The following GRXCR1 variants were observed in gnomAD, a reference collection of about 807,000 sequenced individuals.
GRXCR1 encodes the protein glutaredoxin and cysteine rich domain containing 1, also known as glutaredoxin domain-containing cysteine-rich protein 1.
Under a neutral mutation model 27.3 loss-of-function variants are expected in GRXCR1, and 27 were observed. The observed-to-expected ratio is 0.99, with a 90% confidence interval of 0.73 to 1.37. The LOEUF (loss-of-function observed/expected upper bound fraction) is 1.37. Ranked by LOEUF, GRXCR1 falls within the 40% of genes most tolerant of loss-of-function variation. The pLI, the probability that GRXCR1 is intolerant of heterozygous loss-of-function variation, is 0.00. For missense variants in GRXCR1, 379 were observed against 354.4 expected (o/e 1.07, Z -0.56); for synonymous variants, 122 against 131.1 (o/e 0.93, Z 0.47).
At chr4:43,007,746 G>C (rs1342924997) in intron 2 of GRXCR1, among the ~76,000 whole-genome samples, 2 of 152,174 alleles carry the variant, frequency 1.3e-5, no homozygotes, top group Non-Finnish European at 2.9e-5. Flanking sequence ...GAGAATATTT[G>C]GTAGTGCCAT....
At position 42,986,304 on chromosome 4, in the gene GRXCR1, G is replaced by GA. The variant is rs1711721511; in HGVS notation, c.627+23170_627+23171insA. On this transcript the variant is annotated intron_variant, in intron 2 of 3. Transcript: ENST00000399770. ...TCTCTCCAGCAGTAAGACTTAAAAT[G>GA]CTGAAGTGAGGGGCTCATTGTGAGC... 2.6e-5 allele frequency among the ~76,000 whole-genome samples: 4 copies of GA among 152,336 alleles called. No individual in the cohort carries two copies. The East Asian group carries it at 7.7e-4, about 29-fold the overall frequency.
intron 2 of GRXCR1, among the ~76,000 whole-genome samples, chr4:42,974,287 T>C (rs1012702454): frequency 1.3e-5 from 2 of 152,250 alleles, no homozygotes; most frequent in South Asian, 2.1e-4. Flanking sequence ...TGATGAGTCA[T>C]CTTCTTGTGG....
chr4:42,941,344 G>A (rs937581452), intron 1 of GRXCR1, among the ~76,000 whole-genome samples: 1 of 151,996 alleles, frequency 6.6e-6, no homozygotes, highest in African/African-American at 2.4e-5. Flanking sequence ...CTCTAGGTCA[G>A]GAATTGTAAG....
intron 2 of GRXCR1, among the ~76,000 whole-genome samples, chr4:42,971,923 G>T (rs955130246): frequency 2.5e-4 from 38 of 152,070 alleles, no homozygotes; most frequent in African/African-American, 8.9e-4. Context: ...ATTGATTCAG[G>T]GTTCTTGCTT....
At chr4:42,976,656 G>T (rs1313462983) in intron 2 of GRXCR1, among the ~76,000 whole-genome samples, 1 of 151,822 alleles carries the variant, frequency 6.6e-6, no homozygotes, top group Non-Finnish European at 1.5e-5. Flanking sequence ...TTGCATGTAT[G>T]TAATTTTTTA....
chr4:43,012,919 G>A (rs80109594), intron 2 of GRXCR1, among the ~76,000 whole-genome samples: 11,672 of 152,062 alleles, frequency 0.077, 783 homozygotes, highest in African/African-American at 0.19. Flanking sequence ...AAGAAGACAT[G>A]CAAGCAGACA....
chr4:42,987,239 ATAATATATAATATATATATATAAT>A lies in GRXCR1; in HGVS notation c.627+24106_627+24129del, dbSNP rs1170539923. Among the ~76,000 whole-genome samples, 7 of 64,156 alleles carry A rather than the reference ATAATATATAATATATATATATAAT, an allele frequency of 1.1e-4. No homozygotes were observed. The East Asian group carries it at 2.9e-3, about 26-fold the overall frequency. 42.1% of individuals were successfully genotyped at this position (64,156 alleles called of 152,430 possible). A position where few individuals can be genotyped will look rare whatever the true frequency, so the allele number is the denominator to read the frequency against. On this transcript the variant is annotated intron_variant, in intron 2 of 3. Coordinates refer to ENST00000399770, the MANE Select transcript of GRXCR1 (RefSeq NM_001080476.3). The stretch of plus-strand genomic sequence containing the variant: ...TATATATATTATATATTATATATAT[ATAATATATAATATATATATATAAT>A]ATATATATATATATAGAGAGAGAGA...
At chr4:42,985,681 AT>A (rs1003294652) in intron 2 of GRXCR1, among the ~76,000 whole-genome samples, 1 of 151,994 alleles carries the variant, frequency 6.6e-6, no homozygotes, top group Non-Finnish European at 1.5e-5. Context: ...TGTGATGTAC[AT>A]TTTTTAGAGT....
intron 2 of GRXCR1, among the ~76,000 whole-genome samples, chr4:43,015,678 T>G (rs1054773541): frequency 8.6e-5 from 13 of 151,944 alleles, no homozygotes; most frequent in African/African-American, 3.1e-4. Context: ...ATTAAATTTC[T>G]ATTTTATTAT....
intron 1 of GRXCR1, among the ~76,000 whole-genome samples, chr4:42,939,364 T>C (rs1747548592): frequency 6.6e-6 from 1 of 152,122 alleles, no homozygotes; most frequent in African/African-American, 2.4e-5. Flanking sequence ...ATCCTGCAAG[T>C]TTACTGAATT....
intron 1 of GRXCR1, among the ~76,000 whole-genome samples, chr4:42,957,785 T>G (rs982757550): frequency 2.0e-5 from 3 of 151,808 alleles, no homozygotes; most frequent in African/African-American, 7.3e-5. Context: ...TTTTATTAAA[T>G]TATTTCAAGC....
chr4:43,019,005 T>A (rs948680507), intron 2 of GRXCR1, among the ~76,000 whole-genome samples: 3 of 152,198 alleles, frequency 2.0e-5, no homozygotes, highest in Non-Finnish European at 4.4e-5. Flanking sequence ...TGACATTTTT[T>A]ATGGTGATTA....
chr4:42,944,718 A>G (rs935729432), intron 1 of GRXCR1, among the ~76,000 whole-genome samples: 1 of 152,144 alleles, frequency 6.6e-6, no homozygotes, highest in Non-Finnish European at 1.5e-5. Context: ...GAAGGAGCTC[A>G]GCCAGGCATT....
chr4:42,929,718 A>T (rs911593467), intron 1 of GRXCR1, among the ~76,000 whole-genome samples: 2 of 151,922 alleles, frequency 1.3e-5, no homozygotes, highest in African/African-American at 4.8e-5. Context: ...TAGTATTCAA[A>T]TAGAATGACC....
At chr4:42,902,415 A>T (rs1746481051) in intron 1 of GRXCR1, among the ~76,000 whole-genome samples, 1 of 152,164 alleles carries the variant, frequency 6.6e-6, no homozygotes, top group African/African-American at 2.4e-5. Flanking sequence ...TTTGCTGAGG[A>T]TAATGGCTTC....
chr4:42,963,069 C>A lies in GRXCR1; in HGVS notation c.562C>A (p.Arg188=). Residue 188 remains arginine (R), a synonymous_variant, in exon 2 of 4, where the codon CGA becomes AGA. Transcript: ENST00000399770. ...TGAATATGGAAAAGAGTTAGACGAA[C>A]GATGCCGACGAGTTTCTGAAGCTCC... ...NGEYGKELDE[R]CRRVSEAPSL... 1 of 1,612,730 alleles carries A rather than the reference C, an allele frequency of 6.2e-7. No individual in the cohort carries two copies. Among genetic ancestry groups the A allele is most frequent in the South Asian group, 1.1e-5 (1 of 91,064 alleles).
At chr4:43,025,992 AG>A in intron 3 of GRXCR1, among the ~76,000 whole-genome samples, 1 of 151,112 alleles carries the variant, frequency 6.6e-6, no homozygotes, top group African/African-American at 2.4e-5. Flanking sequence ...AAAAAAAAAA[AG>A]TGGAAGTCAG....
chr4:43,021,650 G>A (rs775799086), intron 3 of GRXCR1, among the ~76,000 whole-genome samples: 12 of 152,062 alleles, frequency 7.9e-5, no homozygotes, highest in Non-Finnish European at 1.5e-4. Flanking sequence ...ATCAGTTTTT[G>A]TCGTAATACA....
rs1713179810 is a variant in GRXCR1, at chr4:43,024,141, A to G, written c.693+3722A>G. Among the ~76,000 whole-genome samples, 3 of 145,128 alleles carry G rather than the reference A, an allele frequency of 2.1e-5. No individual in the cohort carries two copies. The South Asian group carries it at 6.6e-4, about 32-fold the overall frequency. On this transcript the variant is annotated intron_variant, in intron 3 of 3. Coordinates refer to ENST00000399770, the MANE Select transcript of GRXCR1 (RefSeq NM_001080476.3). Reference sequence around the variant, plus strand: ...TTGTTATTTTTTTGAAGATATGAGTAAATAGTTTTGTTGCCATTTGTACTG... The same window carrying G: ...TTGTTATTTTTTTGAAGATATGAGTGAATAGTTTTGTTGCCATTTGTACTG...
Sources: allele counts gnomAD v4.1 joint callset (sites outside exome capture counted in the v4.1 genomes callset), GRCh38; gene constraint gnomAD v4.1.1; transcripts MANE v1.5; gene names NCBI Gene and HGNC (gene_info 2026-07-23, HGNC 2026-07-21).